FARP2: variants seen among roughly 807,000 people sequenced by gnomAD.
FARP2 encodes FERM, ARH/RhoGEF and pleckstrin domain protein 2, also known as FERM, ARHGEF and pleckstrin domain-containing protein 2.
A neutral mutation model predicts 130.5 loss-of-function variants in FARP2; 111 were observed. The ratio of observed to expected loss-of-function variants is 0.85; its 90% confidence interval spans 0.73 to 1.00. The LOEUF is 1.00. Ranked by LOEUF, FARP2 falls within the 50% of genes least tolerant of loss-of-function variation. The pLI is 0.00. For synonymous variants in FARP2, 504 were observed against 516.9 expected (o/e 0.98, Z 0.34); for missense variants, 1,385 against 1,346.3 (o/e 1.03, Z -0.45).
chr2:241,390,659 G>A (rs1418185240), intron 2 of FARP2, among the ~76,000 whole-genome samples: 2 of 151,812 alleles, frequency 1.3e-5, no homozygotes, highest in South Asian at 2.1e-4. Flanking sequence ...TGACCTTTTT[G>A]GGGATCTTAT....
chr2:241,416,278 C>T (rs1420089176), intron 7 of FARP2, among the ~76,000 whole-genome samples: 1 of 152,016 alleles, frequency 6.6e-6, no homozygotes, highest in Non-Finnish European at 1.5e-5. Context: ...AAAGCCGGTA[C>T]GAGAAGGGTG....
chr2:241,489,596 G>C (rs756478668), intron 21 of FARP2: 2 of 162,812 alleles, frequency 1.2e-5, no homozygotes, highest in Non-Finnish European at 2.7e-5. Context: ...ATCCACAGTG[G>C]GTTTTCTTTG....
intron 2 of FARP2, among the ~76,000 whole-genome samples, chr2:241,381,278 A>C (rs752005659): frequency 6.6e-6 from 1 of 152,024 alleles, no homozygotes; most frequent in East Asian, 1.9e-4. Context: ...TCTAGTGCCC[A>C]AAACCTTTTA....
At chr2:241,417,424 C>T (rs1400599998) in intron 7 of FARP2, among the ~76,000 whole-genome samples, 1 of 152,146 alleles carries the variant, frequency 6.6e-6, no homozygotes, top group African/African-American at 2.4e-5. Context: ...CTCGCTCTGT[C>T]ACCCAGGCTG....
rs1463818145 is a variant in FARP2 at position 241,441,227 on chromosome 2, G to T, written c.1159-77G>T. 4 of 1,403,720 alleles carry T rather than the reference G, an allele frequency of 2.8e-6. No homozygotes were observed. In the South Asian group the frequency reaches 5.6e-5, roughly 20 times the overall value. 87.0% of individuals were successfully genotyped at this position (1,403,720 alleles called of 1,614,324 possible). ...GAAATGTGTGGATGCCCTAAGTTAG[G>T]CCAGGTGGCTTTGCAACTTCTAGTG... On this transcript the variant is annotated intron_variant, in intron 12 of 26. Coordinates refer to ENST00000264042, the MANE Select transcript of FARP2 (RefSeq NM_014808.4).
intron 18 of FARP2, among the ~76,000 whole-genome samples, chr2:241,468,924 G>C (rs1032195037): frequency 2.0e-5 from 3 of 152,208 alleles, no homozygotes; most frequent in Non-Finnish European, 4.4e-5. Flanking sequence ...CTAAAAATAG[G>C]ATTTCTAATT....
chr2:241,446,208 G>A (rs1329756799), intron 13 of FARP2: 3 of 152,070 alleles, frequency 2.0e-5, no homozygotes, highest in Non-Finnish European at 2.9e-5. Flanking sequence ...AAATCACTAG[G>A]TATTGATATG....
In FARP2 at chr2:241,475,809, G is replaced by A. The variant is rs1469389341; in HGVS notation, c.2132-48G>A. On this transcript the variant is annotated intron_variant, in intron 18 of 26. Transcript: ENST00000264042. This position sits in a 1 kb window ranked among gnomAD's most constrained non-coding sequence, Gnocchi z 4.4. ...CACAAGGTGGTGGGTGGAGGGTGCTGTGCACACCACTGCCTGTACACCTGT... is the reference window on the plus strand; with the variant it reads ...CACAAGGTGGTGGGTGGAGGGTGCTATGCACACCACTGCCTGTACACCTGT... 3.3e-6 allele frequency: 5 copies of A among 1,537,372 alleles called. No individual in the cohort carries two copies. Among genetic ancestry groups the A allele is most frequent in the South Asian group, 1.3e-5 (1 of 79,166 alleles).
intron 12 of FARP2, among the ~76,000 whole-genome samples, chr2:241,439,584 C>T (rs1471885911): frequency 6.6e-6 from 1 of 152,272 alleles, no homozygotes; most frequent in East Asian, 1.9e-4. Context: ...CCGACTCGGC[C>T]TCCCAAAGTG....
intron 13 of FARP2, among the ~76,000 whole-genome samples, chr2:241,451,735 G>A (rs1355360013): frequency 6.6e-6 from 1 of 152,034 alleles, no homozygotes; most frequent in Non-Finnish European, 1.5e-5. Context: ...TTGATATTTA[G>A]CATTTTAAAA....
rs754098632 is a variant in FARP2 at position 241,493,382 on chromosome 2, C to T, written c.2985C>T (p.Phe995=). Residue 995 remains phenylalanine (F), a synonymous_variant, in exon 26 of 27, where the codon TTC becomes TTT. Transcript: ENST00000264042. ...ATGGCATACACAAAGACTATGTTTTCAAGCTCCAGTTCAAATCCCACGTCT... is the reference window on the plus strand; with the variant it reads ...ATGGCATACACAAAGACTATGTTTTTAAGCTCCAGTTCAAATCCCACGTCT... ...EADGIHKDYV[F]KLQFKSHVYF... 1 of 1,614,002 alleles carries T rather than the reference C, an allele frequency of 6.2e-7. No homozygotes were observed. The highest frequency in any genetic ancestry group is 1.1e-5 in the South Asian group (1 of 91,086).
At chr2:241,452,028 T>C (rs1376044755) in intron 13 of FARP2, among the ~76,000 whole-genome samples, 1 of 152,254 alleles carries the variant, frequency 6.6e-6, no homozygotes, top group Non-Finnish European at 1.5e-5. Flanking sequence ...GTGCTGGGAT[T>C]ACAGGCGTAA....
At chr2:241,452,454 G>A (rs1250439434) in intron 13 of FARP2, among the ~76,000 whole-genome samples, 4 of 152,170 alleles carry the variant, frequency 2.6e-5, no homozygotes, top group Non-Finnish European at 1.5e-5. Context: ...TAGGATCTGT[G>A]TTTGTGTAAT....
chr2:241,462,398 G>A (rs1055234555), intron 14 of FARP2, 125 bp from the exon 15 acceptor site: 6 of 611,960 alleles, frequency 9.8e-6, no homozygotes, highest in Non-Finnish European at 1.8e-5. Flanking sequence ...GAAGTTGAAG[G>A]TGAAAACCCC....
chr2:241,421,116 G>A (rs2062795719), intron 8 of FARP2, among the ~76,000 whole-genome samples: 1 of 152,152 alleles, frequency 6.6e-6, no homozygotes, highest in Non-Finnish European at 1.5e-5. Flanking sequence ...AATGGTGAGT[G>A]ACTGTGCAAC....
chr2:241,410,480 G>A (rs1386530873), intron 5 of FARP2, among the ~76,000 whole-genome samples: 2 of 147,886 alleles, frequency 1.4e-5, no homozygotes, highest in African/African-American at 5.0e-5. Flanking sequence ...TGCCTAACAT[G>A]GAGTGCAGTG....
chr2:241,412,601 A>G (rs2062548927), intron 6 of FARP2, among the ~76,000 whole-genome samples: 1 of 152,244 alleles, frequency 6.6e-6, no homozygotes, highest in African/African-American at 2.4e-5. Flanking sequence ...TTAGACAGAG[A>G]CATTATTCAT....
rs1298013146 is a variant in FARP2, at chr2:241,493,055, A to G, written c.2895+19A>G. ...TCATCAGGTACTGGAGTTTCACTGG[A>G]GCCCAATGCAGGTGATGCTAGCAGA... On this transcript the variant is annotated intron_variant, in intron 25 of 26. Transcript: ENST00000264042. The G allele has an allele frequency of 1.5e-6, 2 of 1,374,936 alleles. No homozygotes were observed. The highest frequency in any genetic ancestry group is 2.1e-6 in the Non-Finnish European group (2 of 961,344). 85.2% of individuals were successfully genotyped at this position (1,374,936 alleles called of 1,614,324 possible).
intron 2 of FARP2, among the ~76,000 whole-genome samples, chr2:241,402,881 T>TATGTATATATA (rs71049574): frequency 1.0e-4 from 1 of 9,826 alleles, no homozygotes; most frequent in Non-Finnish European, 1.6e-4. Context: ...TATATATATA[T>TATGTATATATA]TTTTTTTTTT....
Sources: allele counts gnomAD v4.1 joint callset (sites outside exome capture counted in the v4.1 genomes callset), GRCh38; gene constraint gnomAD v4.1.1; non-coding constraint Gnocchi (gnomAD v3.1); transcripts MANE v1.5; gene names NCBI Gene and HGNC (gene_info 2026-07-23, HGNC 2026-07-21).